The following RPL31 variants were observed in gnomAD, a reference collection of about 807,000 sequenced individuals.
The protein encoded by RPL31 is ribosomal protein L31.
For synonymous variants in RPL31, 51 were observed against 55.0 expected, an observed-to-expected ratio of 0.93 and a Z score of 0.32; for missense variants, 95 against 164.0, an observed-to-expected ratio of 0.58 and a Z score of 2.30.
chr2:101,019,147 A>G (rs552776807), exon 5 of RPL31: 23 of 1,467,490 alleles, frequency 1.6e-5, no homozygotes, highest in Middle Eastern at 2.3e-4. Flanking sequence ...TCTGTCTCCC[A>G]TATTACCCTG....
intron 3 of RPL31, chr2:101,005,612 C>T (rs1448134601): frequency 4.0e-6 from 1 of 247,416 alleles, no homozygotes; most frequent in African/African-American, 2.3e-5. Context: ...GCCGTTTCTT[C>T]ATATTTTAAT....
At chr2:101,003,839 A>G (rs1481457611) in intron 2 of RPL31, among the ~76,000 whole-genome samples, 1 of 152,220 alleles carries the variant, frequency 6.6e-6, no homozygotes, top group East Asian at 1.9e-4. Flanking sequence ...TGAGGACTTC[A>G]GAAAGTGGAT....
downstream of RPL31, chr2:101,011,606 A>G: frequency 6.4e-7 from 1 of 1,555,896 alleles, no homozygotes; most frequent in Non-Finnish European, 8.8e-7. Context: ...ACAGTAATGT[A>G]GCTTTCTAGG....
intron 3 of RPL31, chr2:101,004,565 C>G (rs895669132): frequency 2.3e-6 from 1 of 433,420 alleles, no homozygotes; most frequent in Non-Finnish European, 4.1e-6. Context: ...GGGTGGTGAA[C>G]GCAGGTAAAG....
chr2:101,019,164 G>A, exon 5 of RPL31: 3 of 1,333,130 alleles, frequency 2.3e-6, no homozygotes, highest in Non-Finnish European at 3.1e-6. Context: ...CCTGGCAGAG[G>A]GCCAGGCCTG....
At chr2:101,014,324 A>G (rs890802895) in intron 4 of RPL31, among the ~76,000 whole-genome samples, 4 of 152,150 alleles carry the variant, frequency 2.6e-5, no homozygotes, top group African/African-American at 9.7e-5. Context: ...GCTGCCCATC[A>G]TCGAATCAAA....
intron 1 of RPL31, 87 bp from the exon 2 acceptor site, chr2:101,002,615 C>A: frequency 1.7e-6 from 2 of 1,148,838 alleles, no homozygotes; most frequent in East Asian, 4.7e-5. Flanking sequence ...TGGAAGCGCC[C>A]CGAGAGTGAC....
At position 101,005,362 on chromosome 2, in the gene RPL31, G is replaced by T. The variant is rs571438703; in HGVS notation, c.234-597G>T. 9.3e-4 allele frequency: 143 copies of T among 153,270 alleles called. No homozygotes were observed. In the Middle Eastern group the frequency reaches 0.01, roughly 11 times the overall value. The allele number at this position is 153,270 out of a possible 1,614,324, so 9.5% of individuals were successfully genotyped here. ...GAGTTAATGTTGCCCAGGCTGGAGCGCAATGGCGTAGTCTCAGCTCACTGC... is the reference window on the plus strand; with the variant it reads ...GAGTTAATGTTGCCCAGGCTGGAGCTCAATGGCGTAGTCTCAGCTCACTGC... On this transcript the variant is annotated intron_variant, in intron 3 of 4. Transcript: ENST00000264258.
chr2:101,012,032 A>G (rs1158265454), downstream of RPL31, among the ~76,000 whole-genome samples: 4 of 122,366 alleles, frequency 3.3e-5, no homozygotes, highest in Non-Finnish European at 7.9e-5. Context: ...AGCCTTAGTG[A>G]ATTCAAAGCA....
chr2:101,011,789 C>T (rs1679235761), downstream of RPL31, among the ~76,000 whole-genome samples: 1 of 152,320 alleles, frequency 6.6e-6, no homozygotes, highest in East Asian at 1.9e-4. Flanking sequence ...TAACAACATA[C>T]ACATTCATAG....
chr2:101,018,993 G>A, intron 4 of RPL31: 1 of 1,611,882 alleles, frequency 6.2e-7, no homozygotes, highest in Admixed American at 1.7e-5. Flanking sequence ...ATATTTCTGT[G>A]CTAGTTTCTG....
intron 2 of RPL31, among the ~76,000 whole-genome samples, chr2:101,003,512 T>C (rs907010686): frequency 2.6e-5 from 4 of 152,218 alleles, no homozygotes; most frequent in African/African-American, 9.7e-5. Flanking sequence ...TGGTTTGTCT[T>C]TCTCTGTAGT....
Position 101,006,431 on chromosome 2 carries a change from G to A in RPL31, c.*50G>A, listed in dbSNP as rs773218557. ...GTTATAAAATTGCCTTCATGTTTTTGTTCTTTTTAGTTGCAACATAATGTA... is the reference window on the plus strand; with the variant it reads ...GTTATAAAATTGCCTTCATGTTTTTATTCTTTTTAGTTGCAACATAATGTA... On this transcript the variant is annotated 3_prime_UTR_variant, in exon 5 of 5. Transcript: ENST00000264258. 6.5e-7 allele frequency: 1 copy of A among 1,544,814 alleles called. No homozygotes were observed. The highest frequency in any genetic ancestry group is 1.2e-5 in the South Asian group (1 of 84,608).
downstream of RPL31, among the ~76,000 whole-genome samples, chr2:101,008,992 G>C (rs892475649): frequency 1.2e-4 from 19 of 152,198 alleles, no homozygotes; most frequent in Admixed American, 5.2e-4. Flanking sequence ...GATGCCTGTT[G>C]TTTTCTCAGT....
At chr2:101,006,229 A>C (rs1678729078) in intron 4 of RPL31, 121 bp from the exon 5 acceptor site, 1 of 1,512,352 alleles carries the variant, frequency 6.6e-7, no homozygotes, top group African/African-American at 1.4e-5. Flanking sequence ...AAACTGATCC[A>C]TATCTGGGAT....
chr2:101,019,023 C>T (rs757476527), exon 5 of RPL31: 5 of 1,612,196 alleles, frequency 3.1e-6, no homozygotes, highest in South Asian at 1.1e-5. Flanking sequence ...GTGTTACAGT[C>T]GCCAAGAGCC....
chr2:101,011,678 A>G (rs1679225253), downstream of RPL31: 1 of 734,032 alleles, frequency 1.4e-6, no homozygotes. Flanking sequence ...GGGTCCACGA[A>G]CCCAAATGCA....
chr2:101,004,305 G>T, intron 3 of RPL31, 22 bp downstream of exon 3: 1 of 1,612,492 alleles, frequency 6.2e-7, no homozygotes, highest in South Asian at 1.1e-5. Context: ...ATCTGTATTC[G>T]AAGGTGAACT....
chr2:101,005,724 T>C, intron 3 of RPL31: 1 of 542,270 alleles, frequency 1.8e-6, no homozygotes, highest in South Asian at 2.4e-5. Context: ...ACCGGTTGGG[T>C]ATCAATGGTG....
Sources: gnomAD v4.1 joint callset for allele counts (sites outside exome capture counted in the v4.1 genomes callset) on GRCh38, gnomAD v4.1.1 for gene constraint, MANE v1.5 for transcripts, NCBI Gene and HGNC (gene_info 2026-07-23, HGNC 2026-07-21) for gene names.